EFCAB6: variants seen among roughly 807,000 people sequenced by gnomAD.
EFCAB6 encodes the protein EF-hand calcium-binding domain-containing protein 6.
In EFCAB6, 156 loss-of-function variants were observed where a neutral mutation model predicts 169.8. The observed-to-expected ratio is 0.92, with a 90% CI of 0.81 to 1.05. The LOEUF (loss-of-function observed/expected upper bound fraction) is 1.05, where lower values mean the gene tolerates loss of function less well. Among genes scored for constraint, EFCAB6 ranks in the 50% least tolerant of loss-of-function variants. The pLI is 0.00. For missense variants in EFCAB6, 1,800 were observed against 1,829.1 expected, an observed-to-expected ratio of 0.98 and a Z score of 0.29; for synonymous variants, 698 against 676.4, an observed-to-expected ratio of 1.03 and a Z score of -0.50.
chr22:43,696,239 T>C (rs1189485223), intron 10 of EFCAB6, among the ~76,000 whole-genome samples: 1 of 151,714 alleles, frequency 6.6e-6, no homozygotes, highest in Non-Finnish European at 1.5e-5. Context: ...AAATGCAAAT[T>C]TAAAACAGAC....
chr22:43,541,234 C>T (rs973442997), intron 27 of EFCAB6, among the ~76,000 whole-genome samples: 1 of 152,198 alleles, frequency 6.6e-6, no homozygotes, highest in African/African-American at 2.4e-5. Flanking sequence ...GCTTCTGGGT[C>T]TCCACTGGGG....
At position 43,711,609 on chromosome 22, in the gene EFCAB6, A is replaced by C. The variant is rs776223831; in HGVS notation, c.897T>G (p.Tyr299Ter). ...CACTGAGGGCCTTTTCAACCTTTTC[A>C]TAAGACTTCGAAAGCTGCAATAAAT... is the stretch of plus-strand genomic sequence containing the variant. ...RNFCLQLSKS[Y>*]EKVEKALSAG... Residue 299 changes from tyrosine (Y) to a stop codon, truncating the protein, a stop_gained, in exon 10 of 32, where the codon TAT becomes TAG. Coordinates refer to ENST00000262726, the MANE Select transcript of EFCAB6 (RefSeq NM_022785.4). LOFTEE classifies it high-confidence loss of function. The C allele has an allele frequency of 6.3e-7, 1 of 1,581,218 alleles. No individual in the cohort carries two copies. Among genetic ancestry groups the C allele is most frequent in the African/African-American group, 1.4e-5 (1 of 72,528 alleles).
At chr22:43,753,638 G>A (rs1009291239) in intron 6 of EFCAB6, among the ~76,000 whole-genome samples, 3 of 152,172 alleles carry the variant, frequency 2.0e-5, no homozygotes, top group Admixed American at 2.0e-4. Flanking sequence ...AGCGTCGGTT[G>A]GAGGGTCTGA....
intron 1 of EFCAB6, among the ~76,000 whole-genome samples, chr22:43,809,355 A>G (rs1218699143): frequency 6.6e-6 from 1 of 152,192 alleles, no homozygotes; most frequent in Non-Finnish European, 1.5e-5. Flanking sequence ...TATTCTGTCT[A>G]TATTTTTAAT....
At chr22:43,570,366 CTGAG>C (rs983876873) in intron 26 of EFCAB6, among the ~76,000 whole-genome samples, 1 of 152,206 alleles carries the variant, frequency 6.6e-6, no homozygotes, top group Non-Finnish European at 1.5e-5. Context: ...TATTTCTGCA[CTGAG>C]TGTTATTTTT....
chr22:43,689,983 C>T (rs2058345998), intron 10 of EFCAB6, among the ~76,000 whole-genome samples: 1 of 152,158 alleles, frequency 6.6e-6, no homozygotes, highest in Non-Finnish European at 1.5e-5. Context: ...TTTAAAGGGG[C>T]AGTGGGAAAC....
chr22:43,591,431 TGAGCAACAGA>T (rs1490941037), intron 23 of EFCAB6, among the ~76,000 whole-genome samples: 1 of 142,900 alleles, frequency 7.0e-6, no homozygotes, highest in East Asian at 2.0e-4. Flanking sequence ...TACTCCAGCC[TGAGCAACAGA>T]GCAAGACTCT....
intron 24 of EFCAB6, among the ~76,000 whole-genome samples, chr22:43,586,340 ATTTTTTT>A (rs36058832): frequency 1.7e-3 from 126 of 72,922 alleles, no homozygotes; most frequent in South Asian, 4.2e-3. Flanking sequence ...GCAACAACTG[ATTTTTTT>A]TTTTTTTTTT....
At chr22:43,593,999 G>T (rs1569216489) in intron 23 of EFCAB6, among the ~76,000 whole-genome samples, 1 of 152,124 alleles carries the variant, frequency 6.6e-6, no homozygotes, top group Non-Finnish European at 1.5e-5. Flanking sequence ...TGAGTGGCCA[G>T]GTGCAGTGCC....
At chr22:43,538,953 T>C (rs936144746) in intron 28 of EFCAB6, among the ~76,000 whole-genome samples, 11 of 152,156 alleles carry the variant, frequency 7.2e-5, no homozygotes, top group African/African-American at 2.4e-4. Context: ...GGAGAATCCA[T>C]TTTCTTGCCT....
chr22:43,693,320 T>G (rs1214884590), intron 10 of EFCAB6, among the ~76,000 whole-genome samples: 1 of 151,918 alleles, frequency 6.6e-6, no homozygotes, highest in Non-Finnish European at 1.5e-5. Flanking sequence ...TATGCTGTGA[T>G]GAGAATGGCA....
chr22:43,767,715 C>T (rs547442605), intron 4 of EFCAB6, among the ~76,000 whole-genome samples: 28 of 152,194 alleles, frequency 1.8e-4, no homozygotes, highest in Non-Finnish European at 3.1e-4. Flanking sequence ...AACCACCCTA[C>T]CCATGAAGAA....
intron 21 of EFCAB6, among the ~76,000 whole-genome samples, chr22:43,611,847 A>C (rs576134507): frequency 3.9e-5 from 6 of 152,296 alleles, no homozygotes; most frequent in Admixed American, 6.5e-5. Flanking sequence ...AAAGAGTCTA[A>C]ATAGCCAAGG....
At chr22:43,790,053 T>C (rs1180898837) in intron 2 of EFCAB6, among the ~76,000 whole-genome samples, 2 of 152,180 alleles carry the variant, frequency 1.3e-5, no homozygotes, top group African/African-American at 2.4e-5. Context: ...AAGAAATGAA[T>C]AAGAATTTTT....
At chr22:43,635,059 C>T (rs2055280480) in intron 18 of EFCAB6, 43 bp downstream of exon 18, 2 of 1,539,802 alleles carry the variant, frequency 1.3e-6, no homozygotes, top group African/African-American at 1.4e-5. Flanking sequence ...TGCAGTGTCA[C>T]CCAGGACGCA....
At chr22:43,789,996 T>C (rs779687209) in intron 2 of EFCAB6, among the ~76,000 whole-genome samples, 3 of 152,226 alleles carry the variant, frequency 2.0e-5, no homozygotes, top group Non-Finnish European at 2.9e-5. Flanking sequence ...GACTAGATGA[T>C]GCTTCTGAAG....
chr22:43,722,928 T>C (rs1409539223), intron 8 of EFCAB6, among the ~76,000 whole-genome samples: 1 of 152,192 alleles, frequency 6.6e-6, no homozygotes, highest in East Asian at 1.9e-4. Context: ...CTGGAGGCCA[T>C]AATTCTAAGC....
intron 27 of EFCAB6, among the ~76,000 whole-genome samples, chr22:43,548,889 C>T (rs188239644): frequency 3.3e-5 from 5 of 152,286 alleles, no homozygotes; most frequent in Admixed American, 3.3e-4. Flanking sequence ...AAAGACCACA[C>T]ATCAGAACTC....
intron 2 of EFCAB6, among the ~76,000 whole-genome samples, chr22:43,798,827 T>C (rs1156718095): frequency 6.6e-6 from 1 of 152,182 alleles, no homozygotes; most frequent in Non-Finnish European, 1.5e-5. Flanking sequence ...TGATGTCAAT[T>C]TTACTTGGAG....
Sources: allele counts gnomAD v4.1 joint callset (sites outside exome capture counted in the v4.1 genomes callset), GRCh38; gene constraint gnomAD v4.1.1; transcripts MANE v1.5; gene names NCBI Gene and HGNC (gene_info 2026-07-23, HGNC 2026-07-21).